MAP3K4: variants seen among roughly 807,000 people sequenced by gnomAD.
MAP3K4 encodes the protein MAP three kinase 1.
In MAP3K4, 67 loss-of-function variants were observed where a neutral mutation model predicts 185.6. The observed-to-expected ratio is 0.36, with a 90% CI of 0.30 to 0.44. The LOEUF (loss-of-function observed/expected upper bound fraction) is 0.44. Among genes scored for constraint, MAP3K4 ranks in the 20% least tolerant of loss-of-function variants. The pLI is 1.00. For synonymous variants in MAP3K4, 702 were observed against 710.4 expected (o/e 0.99, Z 0.19); for missense variants, 1,551 against 1,995.1 (o/e 0.78, Z 4.24).
chr6:161,093,629 A>G lies in MAP3K4; in HGVS notation c.3349-144A>G. 1.7e-6 allele frequency: 1 copy of G among 582,410 alleles called. No individual in the cohort carries two copies. Among genetic ancestry groups the G allele is most frequent in the Non-Finnish European group, 3.1e-6 (1 of 327,616 alleles). 36.1% of individuals were successfully genotyped at this position (582,410 alleles called of 1,614,324 possible). A position where few individuals can be genotyped will look rare whatever the true frequency, so the allele number is the denominator to read the frequency against. On this transcript the variant is annotated intron_variant, in intron 14 of 26. Transcript: ENST00000392142. The surrounding 1 kb of genome is among the most constrained non-coding windows in gnomAD (Gnocchi z 5.2). ...TTTAAATTACATACAATTTGTGTTTATACCTATTTTCTTTTAAACTAACTG... is the reference window on the plus strand; with the variant it reads ...TTTAAATTACATACAATTTGTGTTTGTACCTATTTTCTTTTAAACTAACTG...
intron 19 of MAP3K4, among the ~76,000 whole-genome samples, chr6:161,104,722 A>AAG (rs1194505928): frequency 1.3e-5 from 2 of 151,594 alleles, no homozygotes; most frequent in Non-Finnish European, 2.9e-5. Context: ...AAAAAAAAAA[A>AAG]AAAGGAATCT....
chr6:161,015,772 C>G (rs1782072742), intron 1 of MAP3K4, among the ~76,000 whole-genome samples: 1 of 152,152 alleles, frequency 6.6e-6, no homozygotes, highest in African/African-American at 2.4e-5. Context: ...AGAGAGAATT[C>G]ACTCATTACT....
At position 161,067,799 on chromosome 6, in the gene MAP3K4, C is replaced by T. The variant is rs1423335762; in HGVS notation, c.1708-2809C>T. On this transcript the variant is annotated intron_variant, in intron 3 of 26. Transcript: ENST00000392142. The surrounding 1 kb of genome is among the most constrained non-coding windows in gnomAD (Gnocchi z 6.3). ...ATTTTATACTAAGAAGAAGGCATAT[C>T]CTCGTTTCTGTCATTAAGTGTATCT... 3.9e-5 allele frequency among the ~76,000 whole-genome samples: 6 copies of T among 152,180 alleles called. No homozygotes were observed. Among genetic ancestry groups the T allele is most frequent in the Non-Finnish European group, 5.9e-5 (4 of 68,030 alleles).
rs780701903 is a variant in MAP3K4, at chr6:161,063,441, T to A, written c.1708-7167T>A. 2.8e-4 allele frequency among the ~76,000 whole-genome samples: 42 copies of A among 152,146 alleles called. No individual in the cohort carries two copies. Among genetic ancestry groups the A allele is most frequent in the Non-Finnish European group, 4.9e-4 (33 of 68,032 alleles). On this transcript the variant is annotated intron_variant, in intron 3 of 26. Transcript: ENST00000392142. The surrounding 1 kb of genome is among the most constrained non-coding windows in gnomAD (Gnocchi z 5.4). The stretch of plus-strand genomic sequence containing the variant: ...TGCTTATTTTTAAACATGATACTTG[T>A]TTCCATGAACTTAAAGGAGAGAGGG...
intron 1 of MAP3K4, among the ~76,000 whole-genome samples, chr6:161,019,842 A>G (rs566945302): frequency 6.6e-6 from 1 of 152,178 alleles, no homozygotes; most frequent in East Asian, 1.9e-4. Context: ...TTTAAAAAAA[A>G]TTTTTTTAAA....
At chr6:161,104,446 G>A (rs995845342) in intron 19 of MAP3K4, among the ~76,000 whole-genome samples, 10 of 151,046 alleles carry the variant, frequency 6.6e-5, no homozygotes, top group African/African-American at 2.4e-4. Flanking sequence ...AGGCACAGTG[G>A]CTCACACCTG....
intron 1 of MAP3K4, among the ~76,000 whole-genome samples, chr6:161,023,914 T>C (rs181900885): frequency 6.6e-6 from 1 of 152,360 alleles, no homozygotes; most frequent in Non-Finnish European, 1.5e-5. Context: ...CAATGTAATA[T>C]AATTAAGTCT....
At position 161,097,150 on chromosome 6, in the gene MAP3K4, C is replaced by T. The variant is rs1777608952; in HGVS notation, c.3498C>T (p.Leu1166=). 1 of 1,614,074 alleles carries T rather than the reference C, an allele frequency of 6.2e-7. No homozygotes were observed. Among genetic ancestry groups the T allele is most frequent in the Admixed American group, 1.7e-5 (1 of 60,008 alleles). Residue 1166 remains leucine, a synonymous_variant, in exon 16 of 27, where the codon CTC becomes CTT. Transcript: ENST00000392142. The surrounding 1 kb of genome is among the most constrained non-coding windows in gnomAD (Gnocchi z 4.9). ...ATAGTGACCCTCCTAACCCACACCTCATTATCCCCACTCCAGAGGGATTCA... is the reference window on the plus strand; with the variant it reads ...ATAGTGACCCTCCTAACCCACACCTTATTATCCCCACTCCAGAGGGATTCA... ...RCHSDPPNPH[L]IIPTPEGFST...
In MAP3K4 at chr6:161,112,886, G is replaced by A. The variant is rs150175598; in HGVS notation, c.4626+112G>A. The stretch of plus-strand genomic sequence containing the variant: ...ACAAACACTGTGGACACTAAATAGC[G>A]AACGATATTAGATACAAAAATCTGA... On this transcript the variant is annotated intron_variant, in intron 25 of 26. Coordinates refer to ENST00000392142, the MANE Select transcript of MAP3K4 (RefSeq NM_005922.4). The surrounding 1 kb of genome is among the most constrained non-coding windows in gnomAD (Gnocchi z 5.1). The A allele has an allele frequency of 2.6e-5, 15 of 587,246 alleles. No homozygotes were observed. Among genetic ancestry groups the A allele is most frequent in the South Asian group, 1.7e-4 (3 of 17,268 alleles). 36.4% of individuals were successfully genotyped at this position (587,246 alleles called of 1,614,324 possible).
At position 161,091,926 on chromosome 6, in the gene MAP3K4, A is replaced by G; in HGVS notation, c.3136-84A>G. 1 of 1,180,220 alleles carries G rather than the reference A, an allele frequency of 8.5e-7. No homozygotes were observed. The highest frequency in any genetic ancestry group is 1.2e-6 in the Non-Finnish European group (1 of 827,564). 73.1% of individuals were successfully genotyped at this position (1,180,220 alleles called of 1,614,324 possible). A position where few individuals can be genotyped will look rare whatever the true frequency, so the allele number is the denominator to read the frequency against. ...TGGATTTCACTTTTTGTTTTTAGAAAACATTTTAGACATGGCATTATAGTG... is the reference window on the plus strand; with the variant it reads ...TGGATTTCACTTTTTGTTTTTAGAAGACATTTTAGACATGGCATTATAGTG... On this transcript the variant is annotated intron_variant, in intron 12 of 26. Coordinates refer to ENST00000392142, the MANE Select transcript of MAP3K4 (RefSeq NM_005922.4). The surrounding 1 kb of genome is among the most constrained non-coding windows in gnomAD (Gnocchi z 5.5).
At chr6:161,002,727 G>A (rs867356662) in intron 1 of MAP3K4, among the ~76,000 whole-genome samples, 1 of 151,750 alleles carries the variant, frequency 6.6e-6, no homozygotes, top group Non-Finnish European at 1.5e-5. Context: ...GAGTAGCTGG[G>A]ACTACAGGCG....
rs1332677937 is a variant in MAP3K4 at position 161,103,901 on chromosome 6, C to CA, written c.3856+1123dup. ...GTGCAACCACTGACAAGCCTGGTGA[C>CA]AGAGTAGGTGTGTGTTGAGGGTTCA... On this transcript the variant is annotated intron_variant, in intron 19 of 26. Coordinates refer to ENST00000392142, the MANE Select transcript of MAP3K4 (RefSeq NM_005922.4). This position sits in a 1 kb window ranked among gnomAD's most constrained non-coding sequence, Gnocchi z 4.6. Among the ~76,000 whole-genome samples, 2 of 152,188 alleles carry CA rather than the reference C, an allele frequency of 1.3e-5. No individual in the cohort carries two copies. Among genetic ancestry groups the CA allele is most frequent in the African/African-American group, 4.8e-5 (2 of 41,444 alleles).
In MAP3K4 at chr6:161,005,088, A is replaced by G. The variant is rs57028833; in HGVS notation, c.152+13005A>G. On this transcript the variant is annotated intron_variant, in intron 1 of 26. Transcript: ENST00000392142. ...CCATGAACCTTCTACAACTTTCTGT[A>G]TTCAAAATGAACACATTCATTAATG... Among the ~76,000 whole-genome samples, 988 of 152,168 alleles carry G rather than the reference A, an allele frequency of 6.5e-3. 10 individuals carry two copies. Among genetic ancestry groups the G allele is most frequent in the Middle Eastern group, 0.065 (19 of 294 alleles).
At chr6:160,995,350 A>G (rs7772979) in intron 1 of MAP3K4, among the ~76,000 whole-genome samples, 1 of 152,234 alleles carries the variant, frequency 6.6e-6, no homozygotes, top group Non-Finnish European at 1.5e-5. Flanking sequence ...TCTTTGTCAC[A>G]TACTTTATGT....
intron 1 of MAP3K4, among the ~76,000 whole-genome samples, chr6:161,015,114 AT>A (rs1562482081): frequency 1.3e-5 from 2 of 152,204 alleles, no homozygotes; most frequent in East Asian, 3.9e-4. Context: ...TGTCAACAGT[AT>A]TCTCTTTAAT....
At chr6:161,005,184 G>A (rs1487927669) in intron 1 of MAP3K4, among the ~76,000 whole-genome samples, 2 of 151,150 alleles carry the variant, frequency 1.3e-5, no homozygotes, top group African/African-American at 4.9e-5. Flanking sequence ...TGTTGTCCAG[G>A]CTGGGGTGCG....
rs1778625856 is a variant in MAP3K4, at chr6:161,117,336, T to G, written c.*466T>G. 6.4e-6 allele frequency: 1 copy of G among 155,716 alleles called. No individual in the cohort carries two copies. Among genetic ancestry groups the G allele is most frequent in the Admixed American group, 6.5e-5 (1 of 15,438 alleles). The allele number at this position is 155,716 out of a possible 1,614,324, so 9.6% of individuals were successfully genotyped here. ...AATGCAAAAGGCTGATTACTGAAAT[T>G]TAAGAAAAAGGTTCTTTTTTCAATA... On this transcript the variant is annotated 3_prime_UTR_variant, in exon 27 of 27. Transcript: ENST00000392142.
intron 1 of MAP3K4, among the ~76,000 whole-genome samples, chr6:160,995,448 A>G (rs958986716): frequency 6.6e-6 from 1 of 152,258 alleles, no homozygotes; most frequent in African/African-American, 2.4e-5. Context: ...AAAGCTGTGC[A>G]GCAAGTGTGC....
In MAP3K4 at chr6:161,075,027, G is replaced by C. The variant is rs544702700; in HGVS notation, c.2097+1415G>C. On this transcript the variant is annotated intron_variant, in intron 5 of 26. Transcript: ENST00000392142. The surrounding 1 kb of genome is among the most constrained non-coding windows in gnomAD (Gnocchi z 4.3). ...CAGCCTCTGTAGTAGAAGTAGAGAAGGAAGAATGTGGCTGGGAATGAGACA... is the reference window on the plus strand; with the variant it reads ...CAGCCTCTGTAGTAGAAGTAGAGAACGAAGAATGTGGCTGGGAATGAGACA... Among the ~76,000 whole-genome samples the C allele has an allele frequency of 6.6e-6, 1 of 152,344 alleles. No individual in the cohort carries two copies. The highest frequency in any genetic ancestry group is 2.4e-5 in the African/African-American group (1 of 41,572).
Sources: allele counts gnomAD v4.1 joint callset (sites outside exome capture counted in the v4.1 genomes callset), GRCh38; gene constraint gnomAD v4.1.1; non-coding constraint Gnocchi (gnomAD v3.1); transcripts MANE v1.5; gene names NCBI Gene and HGNC (gene_info 2026-07-23, HGNC 2026-07-21).